Variants in USP34 observed in about 807,000 individuals in gnomAD.
USP34 encodes ubiquitin specific peptidase 34.
USP34 carries 70 observed loss-of-function variants against 460.3 expected under a neutral mutation model. The ratio of observed to expected loss-of-function variants is 0.15; its 90% confidence interval spans 0.13 to 0.19. The LOEUF is 0.19. Ranked by LOEUF, USP34 falls within the 10% of genes least tolerant of loss-of-function variation. The pLI is 1.00. For synonymous variants in USP34, 1,647 were observed against 1,405.3 expected (o/e 1.17, Z -3.85); for missense variants, 3,985 against 4,236.2 (o/e 0.94, Z 1.65).
intron 1 of USP34, among the ~76,000 whole-genome samples, chr2:61,430,365 T>C (rs1368919619): frequency 1.3e-5 from 2 of 152,170 alleles, no homozygotes; most frequent in Non-Finnish European, 2.9e-5. Context: ...GATCGTGCCA[T>C]TGCACTCCGG....
At chr2:61,369,329 T>C (rs1029557809) in intron 10 of USP34, among the ~76,000 whole-genome samples, 2 of 152,144 alleles carry the variant, frequency 1.3e-5, no homozygotes, top group African/African-American at 2.4e-5. Flanking sequence ...AAGTTACTTA[T>C]TACAGCATTG....
chr2:61,349,320 C>A, intron 12 of USP34, 35 bp from the exon 13 acceptor site: 2 of 1,604,382 alleles, frequency 1.2e-6, no homozygotes, highest in Non-Finnish European at 8.5e-7. Context: ...GAAAAACATT[C>A]TAAGTGACTC....
chr2:61,321,296 C>T (rs1184746133), intron 21 of USP34, among the ~76,000 whole-genome samples: 1 of 151,922 alleles, frequency 6.6e-6, no homozygotes, highest in Non-Finnish European at 1.5e-5. Context: ...CATGGTGAAA[C>T]CCTGTCTCTA....
intron 1 of USP34, among the ~76,000 whole-genome samples, chr2:61,429,555 C>T (rs921217083): frequency 2.6e-5 from 4 of 151,958 alleles, no homozygotes. Flanking sequence ...TAAGCACAGG[C>T]AGTCGAGGTT....
At chr2:61,467,286 C>A (rs990004341) in intron 1 of USP34, among the ~76,000 whole-genome samples, 11 of 151,908 alleles carry the variant, frequency 7.2e-5, no homozygotes, top group Admixed American at 3.3e-4. Context: ...CTGGGTGACA[C>A]AGCGAGATTC....
chr2:61,341,528 G>A (rs1691599372), intron 16 of USP34, among the ~76,000 whole-genome samples: 1 of 151,984 alleles, frequency 6.6e-6, no homozygotes, highest in South Asian at 2.1e-4. Context: ...TTCTTACATT[G>A]AGTTCAGATA....
chr2:61,269,911 T>C (rs891165891), intron 41 of USP34, among the ~76,000 whole-genome samples: 18 of 152,286 alleles, frequency 1.2e-4, no homozygotes, highest in Admixed American at 3.9e-4. Flanking sequence ...ATTTCTTTTA[T>C]TGGGAATATT....
At chr2:61,384,451 C>T (rs905308823) in intron 5 of USP34, among the ~76,000 whole-genome samples, 1 of 152,036 alleles carries the variant, frequency 6.6e-6, no homozygotes, top group Non-Finnish European at 1.5e-5. Context: ...AGGTGGATCA[C>T]TTGAGGTCAG....
At chr2:61,218,803 G>A (rs576594459) in intron 67 of USP34, among the ~76,000 whole-genome samples, 11 of 152,298 alleles carry the variant, frequency 7.2e-5, no homozygotes, top group African/African-American at 2.2e-4. Context: ...AAGACCACAA[G>A]AGATGAAGTG....
chr2:61,250,614 C>G (rs1688551508), intron 48 of USP34: 1 of 155,968 alleles, frequency 6.4e-6, no homozygotes, highest in Non-Finnish European at 1.4e-5. Context: ...ACAACCTCCA[C>G]CAGCACCTTT....
intron 7 of USP34, among the ~76,000 whole-genome samples, chr2:61,378,928 A>AG (rs1477038417): frequency 6.7e-6 from 1 of 149,100 alleles, no homozygotes; most frequent in Non-Finnish European, 1.5e-5. Context: ...AAAAAAAAAA[A>AG]AAAAAAAAAC....
intron 75 of USP34, among the ~76,000 whole-genome samples, chr2:61,195,855 T>C (rs1428827118): frequency 6.6e-6 from 1 of 152,058 alleles, no homozygotes; most frequent in Non-Finnish European, 1.5e-5. Context: ...TATACTACAA[T>C]TTCTCTAGTC....
At chr2:61,458,379 G>A (rs1695498046) in intron 1 of USP34, among the ~76,000 whole-genome samples, 1 of 151,764 alleles carries the variant, frequency 6.6e-6, no homozygotes, top group Non-Finnish European at 1.5e-5. Context: ...TGGCCAACAT[G>A]GTGAAACCCT....
At chr2:61,242,794 T>C (rs1688305828) in intron 51 of USP34, among the ~76,000 whole-genome samples, 1 of 152,168 alleles carries the variant, frequency 6.6e-6, no homozygotes, top group Non-Finnish European at 1.5e-5. Context: ...AGCAGCATTA[T>C]GGGCAATGAA....
intron 10 of USP34, among the ~76,000 whole-genome samples, chr2:61,369,239 G>A (rs565415877): frequency 7.2e-5 from 11 of 152,160 alleles, no homozygotes; most frequent in Non-Finnish European, 1.6e-4. Context: ...CTTTAACCTA[G>A]TAATTCTAAT....
intron 57 of USP34, 55 bp downstream of exon 57, chr2:61,235,790 G>A (rs1429146259): frequency 1.0e-5 from 16 of 1,556,642 alleles, no homozygotes; most frequent in Non-Finnish European, 1.1e-5. Flanking sequence ...GATCAGAGGG[G>A]GGGAAAAAAA....
At chr2:61,387,842 TAC>T (rs1161039651) in intron 5 of USP34, among the ~76,000 whole-genome samples, 2 of 149,690 alleles carry the variant, frequency 1.3e-5, no homozygotes, top group Admixed American at 1.3e-4. Context: ...TTTTTACGTA[TAC>T]ACACATGTAA....
intron 2 of USP34, among the ~76,000 whole-genome samples, chr2:61,414,439 T>G (rs573548892): frequency 6.6e-6 from 1 of 152,152 alleles, no homozygotes; most frequent in Non-Finnish European, 1.5e-5. Flanking sequence ...AAGGGTAGGA[T>G]AGACATTTCA....
chr2:61,241,455 G>T, intron 53 of USP34, 105 bp downstream of exon 53: 1 of 713,596 alleles, frequency 1.4e-6, no homozygotes, highest in South Asian at 2.1e-5. Flanking sequence ...GATCTACTCA[G>T]AATTGCAGAT....
Sources: allele counts gnomAD v4.1 joint callset (sites outside exome capture counted in the v4.1 genomes callset), GRCh38; gene constraint gnomAD v4.1.1; transcripts MANE v1.5; gene names NCBI Gene and HGNC (gene_info 2026-07-23, HGNC 2026-07-21).